The following NBEA variants were observed in gnomAD, a reference collection of about 807,000 sequenced individuals.
NBEA encodes the protein lysosomal-trafficking regulator 2.
NBEA carries 44 observed loss-of-function variants against 343.4 expected under a neutral mutation model. The ratio of observed to expected loss-of-function variants is 0.13; its 90% CI spans 0.10 to 0.16. The LOEUF is 0.16. Among genes scored for constraint, NBEA ranks in the 10% least tolerant of loss-of-function variants. NBEA has a pLI of 1.00. For missense variants in NBEA, 2,555 were observed against 3,631.3 expected (o/e 0.70, Z 7.62); for synonymous variants, 1,175 against 1,238.7 (o/e 0.95, Z 1.08).
rs776497199 is a variant in NBEA, at chr13:35,308,457, T to C, written c.5839-1071T>C. On this transcript the variant is annotated intron_variant, in intron 35 of 58. Coordinates refer to ENST00000379939, the MANE Select transcript of NBEA (RefSeq NM_001385012.1). Reference sequence around the variant, plus strand: ...TATTTACTATATATATATATATATATATATATATATATATATGTATATATA... The same window carrying C: ...TATTTACTATATATATATATATATACATATATATATATATATGTATATATA... Among the ~76,000 whole-genome samples the C allele has an allele frequency of 6.9e-3, 822 of 118,294 alleles. 17 individuals carry two copies. The highest frequency in any genetic ancestry group is 8.9e-3 in the Non-Finnish European group (551 of 61,918). 77.6% of individuals were successfully genotyped at this position (118,294 alleles called of 152,430 possible). A position where few individuals can be genotyped will look rare whatever the true frequency, so the allele number is the denominator to read the frequency against.
chr13:35,352,826 T>C (rs2040261782), intron 38 of NBEA, among the ~76,000 whole-genome samples: 1 of 152,168 alleles, frequency 6.6e-6, no homozygotes, highest in African/African-American at 2.4e-5. Context: ...AATATGATTG[T>C]TTATGATAAT....
chr13:35,512,331 CTG>C (rs2077307043), intron 41 of NBEA, among the ~76,000 whole-genome samples: 1 of 152,212 alleles, frequency 6.6e-6, no homozygotes, highest in Non-Finnish European at 1.5e-5. Flanking sequence ...ATAGCAGAAA[CTG>C]TCAACCTGGA....
intron 40 of NBEA, among the ~76,000 whole-genome samples, chr13:35,458,709 C>G (rs915984120): frequency 2.0e-5 from 3 of 152,072 alleles, no homozygotes; most frequent in African/African-American, 7.2e-5. Flanking sequence ...ATAGGAACAG[C>G]TAAAGTTAAG....
intron 28 of NBEA, chr13:35,179,748 T>C: frequency 1.0e-6 from 1 of 983,750 alleles, no homozygotes; most frequent in Non-Finnish European, 1.2e-6. Flanking sequence ...AGAAGTATTA[T>C]GGGATATTAT....
At chr13:35,376,001 G>A (rs1340506873) in intron 38 of NBEA, among the ~76,000 whole-genome samples, 12 of 151,930 alleles carry the variant, frequency 7.9e-5, no homozygotes, top group Admixed American at 7.9e-4. Flanking sequence ...AGTTGTCAGG[G>A]ACTAATTGGA....
At chr13:35,638,845 C>T (rs1400880609) in intron 49 of NBEA, among the ~76,000 whole-genome samples, 1 of 152,182 alleles carries the variant, frequency 6.6e-6, no homozygotes, top group African/African-American at 2.4e-5. Flanking sequence ...GGAAATGATG[C>T]TTACTTTTTC....
chr13:35,454,242 T>C (rs184517776), intron 40 of NBEA, among the ~76,000 whole-genome samples: 2 of 152,334 alleles, frequency 1.3e-5, no homozygotes, highest in Admixed American at 6.5e-5. Flanking sequence ...GTTATAAGAA[T>C]AGATTTATTT....
chr13:35,065,964 A>G (rs552452767), intron 8 of NBEA, among the ~76,000 whole-genome samples: 1 of 151,952 alleles, frequency 6.6e-6, no homozygotes, highest in Non-Finnish European at 1.5e-5. Flanking sequence ...TTTCGTGTGT[A>G]CATTTTTTTT....
intron 38 of NBEA, among the ~76,000 whole-genome samples, chr13:35,388,675 A>G (rs2042361938): frequency 6.6e-6 from 1 of 152,258 alleles, no homozygotes; most frequent in South Asian, 2.1e-4. Flanking sequence ...GATAAAGGTC[A>G]TTTTCAGTGA....
At chr13:35,486,131 A>G (rs555723460) in intron 41 of NBEA, among the ~76,000 whole-genome samples, 54 of 152,230 alleles carry the variant, frequency 3.5e-4, no homozygotes, top group Middle Eastern at 6.8e-3. Flanking sequence ...GCCTGTCCCA[A>G]GCCAATAGTT....
At chr13:34,955,862 A>G (rs983004118) in intron 1 of NBEA, among the ~76,000 whole-genome samples, 1 of 152,166 alleles carries the variant, frequency 6.6e-6, no homozygotes, top group Non-Finnish European at 1.5e-5. Flanking sequence ...ATCTGTTTAT[A>G]CAGTATACTA....
At position 35,671,054 on chromosome 13, in the gene NBEA, A is replaced by G. The variant is rs1008891007; in HGVS notation, c.*63A>G. The G allele has an allele frequency of 9.7e-6, 12 of 1,240,818 alleles. No individual in the cohort carries two copies. The East Asian group carries it at 1.5e-4, about 16-fold the overall frequency. The allele number at this position is 1,240,818 out of a possible 1,614,324, so 76.9% of individuals were successfully genotyped here. ...AGCACAAGTGCTGCATGGAAAGGCA[A>G]TATCTCTGGTGGAAAAAACTCGTCT... is the stretch of plus-strand genomic sequence containing the variant. On this transcript the variant is annotated 3_prime_UTR_variant, in exon 59 of 59. Coordinates refer to ENST00000379939, the MANE Select transcript of NBEA (RefSeq NM_001385012.1).
rs117097321 is a variant in NBEA at position 35,217,208 on chromosome 13, A to G, written c.5648+6029A>G. ...AATTGTCTGTTCATGTCTTTTGCCT[A>G]TTTTTTAATTGGATCACTGTTTAAC... On this transcript the variant is annotated intron_variant, in intron 33 of 58. Coordinates refer to ENST00000379939, the MANE Select transcript of NBEA (RefSeq NM_001385012.1). Among the ~76,000 whole-genome samples, 343 of 151,956 alleles carry G rather than the reference A, an allele frequency of 2.3e-3. 1 individual carries two copies. The highest frequency in any genetic ancestry group is 4.0e-3 in the Non-Finnish European group (272 of 67,874).
intron 28 of NBEA, chr13:35,179,690 G>T (rs533413349): frequency 3.0e-5 from 22 of 740,322 alleles, no homozygotes; most frequent in Non-Finnish European, 3.1e-5. Flanking sequence ...ACACATATTT[G>T]TTGAATGCCT....
chr13:35,445,559 C>T (rs1390585891), intron 39 of NBEA, among the ~76,000 whole-genome samples: 55 of 151,512 alleles, frequency 3.6e-4, no homozygotes, highest in Non-Finnish European at 4.4e-5. Context: ...GTCCAACTCT[C>T]CCACTTATGA....
At chr13:35,394,351 C>T (rs923700484) in intron 38 of NBEA, among the ~76,000 whole-genome samples, 1 of 152,016 alleles carries the variant, frequency 6.6e-6, no homozygotes, top group Non-Finnish European at 1.5e-5. Flanking sequence ...CTTACTTTTC[C>T]CTCTTGCCTT....
intron 42 of NBEA, 55 bp from the exon 43 acceptor site, chr13:35,550,875 A>T: frequency 9.2e-7 from 1 of 1,085,496 alleles, no homozygotes; most frequent in Non-Finnish European, 1.4e-6. Context: ...TGTAAAATTG[A>T]TGGCTAACTT....
chr13:35,265,055 A>G (rs910759915), intron 34 of NBEA, among the ~76,000 whole-genome samples: 3 of 151,990 alleles, frequency 2.0e-5, no homozygotes, highest in Non-Finnish European at 4.4e-5. Context: ...ACGCAAATCA[A>G]TATACAAAAA....
intron 41 of NBEA, among the ~76,000 whole-genome samples, chr13:35,539,036 G>A (rs773436400): frequency 6.6e-6 from 1 of 152,088 alleles, no homozygotes; most frequent in Admixed American, 6.5e-5. Context: ...TAATTCTTTT[G>A]CATATGTTTC....
Sources: allele counts gnomAD v4.1 joint callset (sites outside exome capture counted in the v4.1 genomes callset), GRCh38; gene constraint gnomAD v4.1.1; transcripts MANE v1.5; gene names NCBI Gene and HGNC (gene_info 2026-07-23, HGNC 2026-07-21).